The following PELI2 variants were observed in gnomAD, a reference collection of about 807,000 sequenced individuals.
PELI2 encodes pellino E3 ubiquitin protein ligase family member 2, also known as E3 ubiquitin-protein ligase pellino homolog 2.
In PELI2, 23 loss-of-function variants were observed where a neutral mutation model predicts 42.3. The ratio of observed to expected loss-of-function variants is 0.54; its 90% CI spans 0.39 to 0.77. The LOEUF is 0.77. Ranked by LOEUF, PELI2 falls within the 30% of genes least tolerant of loss-of-function variation. PELI2 has a pLI of 0.00. For synonymous variants in PELI2, 245 were observed against 212.2 expected (o/e 1.15, Z -1.34); for missense variants, 463 against 553.2 (o/e 0.84, Z 1.64).
At chr14:56,127,559 A>T (rs2139581845) in intron 1 of PELI2, among the ~76,000 whole-genome samples, 1 of 152,358 alleles carries the variant, frequency 6.6e-6, no homozygotes, top group Non-Finnish European at 1.5e-5. Context: ...GCCAAGGCAG[A>T]AGATGGCTCT....
intron 2 of PELI2, among the ~76,000 whole-genome samples, chr14:56,276,501 C>G (rs1208862242): frequency 2.6e-5 from 4 of 152,172 alleles, no homozygotes; most frequent in Non-Finnish European, 4.4e-5. Flanking sequence ...GGTCAGGACT[C>G]TTCTCCTGGC....
chr14:56,294,458 C>T, intron 5 of PELI2, among the ~76,000 whole-genome samples: 1 of 152,188 alleles, frequency 6.6e-6, no homozygotes, highest in Non-Finnish European at 1.5e-5. Flanking sequence ...TTGGGAGTGA[C>T]CTTTTAAGTG....
chr14:56,190,850 C>T (rs1885928757), intron 2 of PELI2, among the ~76,000 whole-genome samples: 5 of 152,236 alleles, frequency 3.3e-5, no homozygotes, highest in Middle Eastern at 6.8e-3. Flanking sequence ...ATATGGAAGT[C>T]AATAAAAGCT....
At chr14:56,139,506 A>G (rs569589821) in intron 1 of PELI2, among the ~76,000 whole-genome samples, 1 of 151,912 alleles carries the variant, frequency 6.6e-6, no homozygotes, top group East Asian at 1.9e-4. Flanking sequence ...GCTGCTTATT[A>G]TTGTTTACTT....
chr14:56,223,639 A>C lies in PELI2; in HGVS notation c.207+45175A>C, dbSNP rs565790378. ...AAGAGCCTGTTTATAAGTTGCATAC[A>C]TGTCTTGATTATTTTTCTTCTTTTC... On this transcript the variant is annotated intron_variant, in intron 2 of 5. Coordinates refer to ENST00000267460, the MANE Select transcript of PELI2 (RefSeq NM_021255.3). 2.6e-5 allele frequency among the ~76,000 whole-genome samples: 4 copies of C among 152,314 alleles called. No homozygotes were observed. In the East Asian group the frequency reaches 7.7e-4, roughly 29 times the overall value.
chr14:56,297,117 T>C lies in PELI2; in HGVS notation c.1214T>C (p.Val405Ala), dbSNP rs1890036968. The C allele has an allele frequency of 2.5e-6, 4 of 1,605,464 alleles. No individual in the cohort carries two copies. The highest frequency in any genetic ancestry group is 3.4e-6 in the Non-Finnish European group (4 of 1,179,910). Reference sequence around the variant, plus strand: ...TGCCCTTTCTGTGCTACACAGCTGGTTGGGGAGCAAAACTGCATCAAATTA... The same window carrying C: ...TGCCCTTTCTGTGCTACACAGCTGGCTGGGGAGCAAAACTGCATCAAATTA... ...AACPFCATQL[V>A]GEQNCIKLIF... Residue 405 changes from valine to alanine, a missense_variant, in exon 6 of 6, where the codon GTT becomes GCT. Physicochemically the swap from Val to Ala is moderately conservative, Grantham distance 64 (BLOSUM62 0). This residue lies in a region of PELI2 where 103 missense variants were observed against 129.6 expected (regional missense o/e 0.80). Transcript: ENST00000267460.
chr14:56,223,396 A>G (rs1887221760), intron 2 of PELI2, among the ~76,000 whole-genome samples: 1 of 152,158 alleles, frequency 6.6e-6, no homozygotes, highest in Non-Finnish European at 1.5e-5. Flanking sequence ...CTTGACTCAT[A>G]TGGGGGTTCC....
In PELI2 at chr14:56,118,569, C is replaced by G. The variant is rs991526202; in HGVS notation, c.-92C>G. The G allele has an allele frequency of 9.9e-6, 8 of 806,048 alleles. No individual in the cohort carries two copies. The highest frequency in any genetic ancestry group is 1.4e-5 in the Non-Finnish European group (8 of 588,456). 49.9% of individuals were successfully genotyped at this position (806,048 alleles called of 1,614,324 possible). A position where few individuals can be genotyped will look rare whatever the true frequency, so the allele number is the denominator to read the frequency against. On this transcript the variant is annotated 5_prime_UTR_variant, in exon 1 of 6. Coordinates refer to ENST00000267460, the MANE Select transcript of PELI2 (RefSeq NM_021255.3). The stretch of plus-strand genomic sequence containing the variant: ...TTCCCCGGCGCGCTCACCCCGTTCT[C>G]GGGATGGGATTGTAGCGGCGGCGCG...
intron 1 of PELI2, among the ~76,000 whole-genome samples, chr14:56,130,569 T>C (rs927125939): frequency 2.0e-5 from 3 of 152,168 alleles, no homozygotes; most frequent in Non-Finnish European, 4.4e-5. Flanking sequence ...TTACAACTTA[T>C]ATTAACTTTT....
At chr14:56,127,314 CAG>C (rs1883308647) in intron 1 of PELI2, among the ~76,000 whole-genome samples, 1 of 152,108 alleles carries the variant, frequency 6.6e-6, no homozygotes, top group Non-Finnish European at 1.5e-5. Context: ...ACAGAACTAA[CAG>C]AGATTCGAGT....
intron 5 of PELI2, among the ~76,000 whole-genome samples, chr14:56,292,414 T>A (rs1594721085): frequency 2.6e-5 from 4 of 152,336 alleles, no homozygotes; most frequent in Admixed American, 2.6e-4. Context: ...TGAACTTCTG[T>A]TTCAATTCAT....
At position 56,299,977 on chromosome 14, in the gene PELI2, T is replaced by G. The variant is rs1890123871; in HGVS notation, c.*2811T>G. On this transcript the variant is annotated 3_prime_UTR_variant, in exon 6 of 6. Coordinates refer to ENST00000267460, the MANE Select transcript of PELI2 (RefSeq NM_021255.3). ...TCCGGAATTTTTTATTAATAATCGGTGCTGCCGGGTCATGCATGCTGCAAC... is the reference window on the plus strand; with the variant it reads ...TCCGGAATTTTTTATTAATAATCGGGGCTGCCGGGTCATGCATGCTGCAAC... The G allele has an allele frequency of 6.6e-6, 1 of 152,654 alleles. No individual in the cohort carries two copies. The highest frequency in any genetic ancestry group is 1.5e-5 in the Non-Finnish European group (1 of 68,034). 9.5% of individuals were successfully genotyped at this position (152,654 alleles called of 1,614,324 possible).
At chr14:56,284,796 T>G (rs1467996092) in intron 3 of PELI2, among the ~76,000 whole-genome samples, 1 of 152,200 alleles carries the variant, frequency 6.6e-6, no homozygotes, top group Non-Finnish European at 1.5e-5. Context: ...AGAAACTCCT[T>G]TGATGACTGG....
intron 2 of PELI2, among the ~76,000 whole-genome samples, chr14:56,240,951 A>G (rs922617355): frequency 5.9e-5 from 9 of 152,184 alleles, no homozygotes; most frequent in Admixed American, 5.2e-4. Context: ...ATCTTTATAC[A>G]TATTTCCTTA....
intron 2 of PELI2, among the ~76,000 whole-genome samples, chr14:56,221,990 C>T (rs890195626): frequency 2.0e-5 from 3 of 152,010 alleles, no homozygotes; most frequent in African/African-American, 7.2e-5. Context: ...AAGTCCTTGA[C>T]TTGAATAACA....
At chr14:56,126,889 A>T (rs1883290499) in intron 1 of PELI2, among the ~76,000 whole-genome samples, 1 of 152,212 alleles carries the variant, frequency 6.6e-6, no homozygotes, top group Non-Finnish European at 1.5e-5. Context: ...GGGTACTTTC[A>T]TCACATGCTG....
At chr14:56,154,597 C>A (rs952731521) in intron 1 of PELI2, among the ~76,000 whole-genome samples, 14 of 152,322 alleles carry the variant, frequency 9.2e-5, no homozygotes, top group African/African-American at 3.1e-4. Context: ...TCAGTTAAAC[C>A]TTTTTCCCTT....
chr14:56,246,639 T>C (rs1051442062), intron 2 of PELI2, among the ~76,000 whole-genome samples: 3 of 152,028 alleles, frequency 2.0e-5, no homozygotes, highest in Non-Finnish European at 2.9e-5. Context: ...TACCAGGAAG[T>C]ATGGGCTTGA....
At chr14:56,276,380 T>TC (rs1889292549) in intron 2 of PELI2, among the ~76,000 whole-genome samples, 1 of 152,154 alleles carries the variant, frequency 6.6e-6, no homozygotes, top group Admixed American at 6.6e-5. Context: ...TGCCACCAAA[T>TC]CCCAGTCCTG....
Sources: allele counts gnomAD v4.1 joint callset (sites outside exome capture counted in the v4.1 genomes callset), GRCh38; gene constraint gnomAD v4.1.1; regional missense constraint gnomAD v4.1.1; transcripts MANE v1.5; gene names NCBI Gene and HGNC (gene_info 2026-07-23, HGNC 2026-07-21).